Variants in KCNIP4 observed in about 807,000 individuals in gnomAD.
The protein encoded by KCNIP4 is Kv channel-interacting protein 4.
A neutral mutation model predicts 34.0 loss-of-function variants in KCNIP4; 12 were observed. That is an observed-to-expected ratio of 0.35 (90% confidence interval 0.23 to 0.57). The LOEUF is 0.57. Ranked by LOEUF, KCNIP4 falls within the 20% of genes least tolerant of loss-of-function variation. KCNIP4 has a pLI of 0.83. For missense variants in KCNIP4, 238 were observed against 311.7 expected, an observed-to-expected ratio of 0.76 and a Z score of 1.78; for synonymous variants, 124 against 102.2, an observed-to-expected ratio of 1.21 and a Z score of -1.29.
chr4:21,423,081 T>G (rs888192929), intron 1 of KCNIP4, among the ~76,000 whole-genome samples: 16 of 152,156 alleles, frequency 1.1e-4, no homozygotes, highest in Non-Finnish European at 2.4e-4. Context: ...TCACACTTCA[T>G]CTGATATTCT....
chr4:21,364,577 A>ATT (rs548625086), intron 1 of KCNIP4, among the ~76,000 whole-genome samples: 12 of 151,614 alleles, frequency 7.9e-5, no homozygotes, highest in African/African-American at 2.9e-4. Context: ...TCTCATGATA[A>ATT]TTTTTTTTTC....
chr4:20,964,756 T>C (rs75910323), intron 1 of KCNIP4, among the ~76,000 whole-genome samples: 4,911 of 152,254 alleles, frequency 0.032, 256 homozygotes, highest in African/African-American at 0.11. Flanking sequence ...AAATATCCAA[T>C]TTTCTTAGCC....
At chr4:21,555,124 T>C (rs1258358447) in intron 1 of KCNIP4, among the ~76,000 whole-genome samples, 1 of 152,126 alleles carries the variant, frequency 6.6e-6, no homozygotes, top group African/African-American at 2.4e-5. Context: ...TGCAAATGCC[T>C]CAAGAAGCGA....
At chr4:21,501,000 C>T (rs1241042232) in intron 1 of KCNIP4, among the ~76,000 whole-genome samples, 1 of 152,064 alleles carries the variant, frequency 6.6e-6, no homozygotes, top group Admixed American at 6.6e-5. Flanking sequence ...GCTTTTAAGA[C>T]ACTTTTTTGG....
chr4:21,288,123 T>C (rs1763227321), intron 1 of KCNIP4, among the ~76,000 whole-genome samples: 1 of 152,152 alleles, frequency 6.6e-6, no homozygotes, highest in Admixed American at 6.6e-5. Flanking sequence ...TTATGTTGAC[T>C]CCTGAACAGT....
chr4:20,884,750 C>A (rs908213712), intron 1 of KCNIP4, among the ~76,000 whole-genome samples: 1 of 150,906 alleles, frequency 6.6e-6, no homozygotes. Flanking sequence ...CTCTGTTGCC[C>A]AGGCTGGAGT....
At chr4:21,537,610 C>A (rs1038740631) in intron 1 of KCNIP4, among the ~76,000 whole-genome samples, 1 of 152,066 alleles carries the variant, frequency 6.6e-6, no homozygotes, top group African/African-American at 2.4e-5. Context: ...TGAATATAAC[C>A]TTATTTGGAA....
intron 2 of KCNIP4, among the ~76,000 whole-genome samples, chr4:20,867,263 G>C (rs981290972): frequency 6.6e-6 from 1 of 151,848 alleles, no homozygotes; most frequent in Non-Finnish European, 1.5e-5. Flanking sequence ...CACACTACCT[G>C]ATTTTAAACT....
At position 20,880,599 on chromosome 4, in the gene KCNIP4, C is replaced by T. The variant is rs73802386; in HGVS notation, c.163+2009G>A. ...AGACGCTGGTGCAGAAGAGTGCTAA[C>T]GAGACATGACAATTTTCTACTTCTC... On this transcript the variant is annotated intron_variant, in intron 2 of 8. Transcript: ENST00000382152. Among the ~76,000 whole-genome samples, 678 of 152,164 alleles carry T rather than the reference C, an allele frequency of 4.5e-3. 9 individuals carry two copies. Among genetic ancestry groups the T allele is most frequent in the African/African-American group, 0.016 (646 of 41,506 alleles).
chr4:21,791,127 A>G (rs10021306), intron 1 of KCNIP4, among the ~76,000 whole-genome samples: 16,047 of 152,148 alleles, frequency 0.11, 2,893 homozygotes, highest in African/African-American at 0.37. Context: ...CAGATCTGGA[A>G]GCTGGAAGTC....
intron 1 of KCNIP4, chr4:21,762,909 G>A (rs970155168): frequency 1.0e-5 from 13 of 1,286,772 alleles, no homozygotes; most frequent in African/African-American, 4.6e-5. Flanking sequence ...GGAATTGGAG[G>A]GAAGGACTCA....
At chr4:20,731,965 A>C in intron 8 of KCNIP4, 41 bp downstream of exon 8, 2 of 1,610,682 alleles carry the variant, frequency 1.2e-6, no homozygotes, top group South Asian at 2.2e-5. Context: ...TTTAGCTGTT[A>C]TGATAGCTGA....
At chr4:20,801,670 CA>C (rs1480372501) in intron 3 of KCNIP4, among the ~76,000 whole-genome samples, 4 of 151,268 alleles carry the variant, frequency 2.6e-5, no homozygotes, top group African/African-American at 7.3e-5. Context: ...AACTGCAAAA[CA>C]AAAAACATGG....
At chr4:21,158,526 T>C (rs867246608) in intron 1 of KCNIP4, among the ~76,000 whole-genome samples, 1 of 152,042 alleles carries the variant, frequency 6.6e-6, no homozygotes, top group South Asian at 2.1e-4. Flanking sequence ...ATTTACAATA[T>C]TAACAAACTA....
At chr4:20,837,428 A>G (rs1719174949) in intron 3 of KCNIP4, among the ~76,000 whole-genome samples, 1 of 151,956 alleles carries the variant, frequency 6.6e-6, no homozygotes, top group Admixed American at 6.6e-5. Flanking sequence ...CTATTAATGA[A>G]CACATTTAAA....
At chr4:21,700,432 A>T (rs1712739138) in intron 1 of KCNIP4, among the ~76,000 whole-genome samples, 1 of 151,994 alleles carries the variant, frequency 6.6e-6, no homozygotes, top group African/African-American at 2.4e-5. Flanking sequence ...TTTAAAATGC[A>T]TTATTTGTTT....
intron 1 of KCNIP4, among the ~76,000 whole-genome samples, chr4:21,470,289 G>A (rs887927711): frequency 4.6e-5 from 7 of 152,070 alleles, no homozygotes; most frequent in Non-Finnish European, 8.8e-5. Flanking sequence ...CTTTATGTTA[G>A]GGACAAGGCA....
At chr4:20,902,769 C>G (rs1291000667) in intron 1 of KCNIP4, among the ~76,000 whole-genome samples, 1 of 152,166 alleles carries the variant, frequency 6.6e-6, no homozygotes, top group African/African-American at 2.4e-5. Flanking sequence ...ATCCACCCTC[C>G]TTGGCCTCCC....
intron 1 of KCNIP4, among the ~76,000 whole-genome samples, chr4:21,872,642 T>G (rs2109368642): frequency 6.6e-6 from 1 of 152,310 alleles, no homozygotes; most frequent in African/African-American, 2.4e-5. Flanking sequence ...AAGGAATAGA[T>G]AATAGATTCA....
Sources: allele counts gnomAD v4.1 joint callset (sites outside exome capture counted in the v4.1 genomes callset), GRCh38; gene constraint gnomAD v4.1.1; transcripts MANE v1.5; gene names NCBI Gene and HGNC (gene_info 2026-07-23, HGNC 2026-07-21).